Variants in SOX5 observed in about 807,000 individuals in gnomAD.
SOX5 encodes SRY-box transcription factor 5, also known as transcription factor SOX-5.
SOX5 carries 9 observed loss-of-function variants against 92.0 expected under a neutral mutation model. The ratio of observed to expected loss-of-function variants is 0.10; its 90% CI spans 0.06 to 0.17. The LOEUF is 0.17. Among genes scored for constraint, SOX5 ranks in the 10% least tolerant of loss-of-function variants. The pLI is 1.00. For synonymous variants in SOX5, 344 were observed against 336.3 expected (o/e 1.02, Z -0.25); for missense variants, 642 against 944.5 (o/e 0.68, Z 4.20).
intron 3 of SOX5, among the ~76,000 whole-genome samples, chr12:24,252,930 G>A (rs189017956): frequency 1.3e-5 from 2 of 152,252 alleles, no homozygotes; most frequent in East Asian, 3.9e-4. Context: ...TCCCTCTGCT[G>A]ATAAATCGAT....
chr12:24,185,310 A>T (rs1239635695), intron 4 of SOX5, among the ~76,000 whole-genome samples: 1 of 152,090 alleles, frequency 6.6e-6, no homozygotes, highest in Admixed American at 6.6e-5. Flanking sequence ...GGCCTATAGG[A>T]TTCTGAGTTC....
At chr12:23,956,391 C>T (rs1195664410) in intron 4 of SOX5, among the ~76,000 whole-genome samples, 4 of 152,148 alleles carry the variant, frequency 2.6e-5, no homozygotes, top group Non-Finnish European at 2.9e-5. Context: ...ATCACCTGAG[C>T]TCTGCCTCCT....
intron 3 of SOX5, among the ~76,000 whole-genome samples, chr12:23,841,947 CATA>C (rs564922174): frequency 5.2e-4 from 74 of 142,814 alleles, no homozygotes; most frequent in Admixed American, 1.8e-3. Context: ...TATAATACAA[CATA>C]ATAAGTGAGC....
intron 4 of SOX5, among the ~76,000 whole-genome samples, chr12:23,748,836 C>G (rs1313914980): frequency 2.0e-5 from 3 of 151,844 alleles, no homozygotes; most frequent in African/African-American, 7.2e-5. Context: ...CATTGTATTG[C>G]CTTTTAATAT....
intron 6 of SOX5, among the ~76,000 whole-genome samples, chr12:23,724,812 A>G (rs924088935): frequency 2.6e-5 from 4 of 152,196 alleles, no homozygotes; most frequent in Admixed American, 2.6e-4. Flanking sequence ...CCCTGATGGT[A>G]GAACACTCAG....
intron 4 of SOX5, among the ~76,000 whole-genome samples, chr12:23,968,906 A>G (rs1453369913): frequency 6.6e-6 from 1 of 152,064 alleles, no homozygotes; most frequent in Non-Finnish European, 1.5e-5. Flanking sequence ...AGGCAATTTT[A>G]TCTGTTAGTT....
chr12:23,625,768 C>T (rs529649388), intron 8 of SOX5, among the ~76,000 whole-genome samples: 1 of 152,192 alleles, frequency 6.6e-6, no homozygotes, highest in East Asian at 1.9e-4. Context: ...TGCCACCACG[C>T]CGGCTAATTT....
chr12:24,232,518 C>A (rs576485521), intron 3 of SOX5, among the ~76,000 whole-genome samples: 1 of 152,294 alleles, frequency 6.6e-6, no homozygotes, highest in East Asian at 1.9e-4. Flanking sequence ...AAGGAAGAAT[C>A]CTTCAAGGGA....
chr12:23,813,677 C>T (rs1461754261), intron 3 of SOX5, among the ~76,000 whole-genome samples: 2 of 152,112 alleles, frequency 1.3e-5, no homozygotes, highest in Admixed American at 1.3e-4. Flanking sequence ...CATTCCTCAT[C>T]CGTGTACCAT....
At chr12:24,065,657 A>G (rs1253172397) in intron 4 of SOX5, among the ~76,000 whole-genome samples, 8 of 116,014 alleles carry the variant, frequency 6.9e-5, no homozygotes, top group Non-Finnish European at 1.4e-4. Flanking sequence ...AAAAAAAAAA[A>G]AAAAAAAAAG....
intron 5 of SOX5, among the ~76,000 whole-genome samples, chr12:23,739,178 G>A (rs1441792750): frequency 2.0e-5 from 3 of 152,186 alleles, no homozygotes; most frequent in Non-Finnish European, 4.4e-5. Flanking sequence ...TCCTCCACCT[G>A]GGATGGTGAA....
At chr12:24,137,992 G>A (rs12370623) in intron 4 of SOX5, among the ~76,000 whole-genome samples, 30,322 of 152,184 alleles carry the variant, frequency 0.2, 3,183 homozygotes, top group Middle Eastern at 0.26. Context: ...GGTAGCTAAC[G>A]GAGCTGGCAA....
At chr12:23,592,558 A>T (rs921403574) in intron 9 of SOX5, among the ~76,000 whole-genome samples, 13 of 152,202 alleles carry the variant, frequency 8.5e-5, no homozygotes, top group African/African-American at 3.1e-4. Context: ...ACAACCTGGT[A>T]TATGACTTGG....
chr12:23,949,279 A>G (rs1362448614), intron 1 of SOX5, among the ~76,000 whole-genome samples: 1 of 152,222 alleles, frequency 6.6e-6, no homozygotes, highest in Admixed American at 6.5e-5. Flanking sequence ...TGAGAAAGAC[A>G]GAAGCAGCGA....
At chr12:24,531,815 C>T (rs1951218991) in intron 1 of SOX5, among the ~76,000 whole-genome samples, 1 of 152,184 alleles carries the variant, frequency 6.6e-6, no homozygotes, top group African/African-American at 2.4e-5. Context: ...AGCCTTCCTT[C>T]CAAGTAAGAA....
At chr12:24,427,532 C>A (rs543726248) in intron 1 of SOX5, among the ~76,000 whole-genome samples, 193 of 152,290 alleles carry the variant, frequency 1.3e-3, no homozygotes, top group African/African-American at 4.5e-3. Flanking sequence ...TACTTTTCTT[C>A]AGGATTAATT....
intron 4 of SOX5, among the ~76,000 whole-genome samples, chr12:24,124,864 G>C (rs1948960773): frequency 6.6e-6 from 1 of 152,174 alleles, no homozygotes. Context: ...TAGCATTTGT[G>C]ACACATATTC....
chr12:24,137,801 C>T (rs1950240652), intron 4 of SOX5, among the ~76,000 whole-genome samples: 1 of 152,172 alleles, frequency 6.6e-6, no homozygotes, highest in African/African-American at 2.4e-5. Flanking sequence ...TGAGAGCCTG[C>T]CTGCAAGAAT....
intron 2 of SOX5, among the ~76,000 whole-genome samples, chr12:24,332,458 C>A (rs949998716): frequency 2.6e-5 from 4 of 152,108 alleles, no homozygotes; most frequent in African/African-American, 9.6e-5. Context: ...AGTTACTTGA[C>A]ATGGTCCCCA....
Sources: allele counts gnomAD v4.1 joint callset (sites outside exome capture counted in the v4.1 genomes callset), GRCh38; gene constraint gnomAD v4.1.1; transcripts MANE v1.5; gene names NCBI Gene and HGNC (gene_info 2026-07-23, HGNC 2026-07-21).